LTBP1: variants seen among roughly 807,000 people sequenced by gnomAD.
LTBP1 encodes latent-transforming growth factor beta-binding protein 1.
LTBP1 carries 129 observed loss-of-function variants against 207.6 expected under a neutral mutation model. The ratio of observed to expected loss-of-function variants is 0.62; its 90% CI spans 0.54 to 0.72. The LOEUF (loss-of-function observed/expected upper bound fraction) is 0.72. Among genes scored for constraint, LTBP1 ranks in the 30% least tolerant of loss-of-function variants. The pLI is 0.00. For missense variants in LTBP1, 2,281 were observed against 2,217.2 expected (o/e 1.03, Z -0.58); for synonymous variants, 963 against 833.7 (o/e 1.16, Z -2.67).
chr2:33,220,992 T>A (rs1337230151), intron 8 of LTBP1, among the ~76,000 whole-genome samples: 2 of 152,236 alleles, frequency 1.3e-5, no homozygotes, highest in African/African-American at 4.8e-5. Context: ...TGAAATAATT[T>A]TATTTTTTAA....
Position 33,000,203 on chromosome 2 carries a change from C to T in LTBP1, c.566-20706C>T, listed in dbSNP as rs1685895248. Among the ~76,000 whole-genome samples, 2 of 135,416 alleles carry T rather than the reference C, an allele frequency of 1.5e-5. 1 individual carries two copies. Among genetic ancestry groups the T allele is most frequent in the African/African-American group, 5.2e-5 (2 of 38,802 alleles). 88.8% of individuals were successfully genotyped at this position (135,416 alleles called of 152,430 possible). On this transcript the variant is annotated intron_variant, in intron 2 of 33. Coordinates refer to ENST00000404816, the MANE Select transcript of LTBP1 (RefSeq NM_206943.4). ...AAGTACAGGGCTCCAGGCCTTGCCC[C>T]AGCTCCTCTAATTCAGTAGGACTGG...
intron 7 of LTBP1, among the ~76,000 whole-genome samples, chr2:33,197,905 AT>A (rs2088761706): frequency 6.6e-6 from 1 of 152,190 alleles, no homozygotes; most frequent in African/African-American, 2.4e-5. Flanking sequence ...GTGCTTCAAG[AT>A]TTCCTGTTTC....
At chr2:33,038,772 C>G in intron 3 of LTBP1, among the ~76,000 whole-genome samples, 1 of 152,194 alleles carries the variant, frequency 6.6e-6, no homozygotes, top group East Asian at 1.9e-4. Context: ...ACGCTTGAGT[C>G]TTTGGAAAGA....
intron 3 of LTBP1, among the ~76,000 whole-genome samples, chr2:33,072,427 C>G (rs958751313): frequency 6.6e-5 from 10 of 152,322 alleles, no homozygotes; most frequent in African/African-American, 2.4e-4. Flanking sequence ...TTCTCAGCCT[C>G]TCTGTGCAGC....
At chr2:33,118,782 G>A (rs930378458) in intron 4 of LTBP1, among the ~76,000 whole-genome samples, 16 of 152,184 alleles carry the variant, frequency 1.1e-4, no homozygotes, top group Non-Finnish European at 2.4e-4. Context: ...GGGTTAGGGC[G>A]TGGAGGGGAG....
chr2:32,964,995 G>A lies in LTBP1; in HGVS notation c.565+16050G>A, dbSNP rs188321598. ...GTGGAGGTTGCAGTGAGCTGAGATC[G>A]CGCCATTGCACTCCAGCCTGGCGAC... On this transcript the variant is annotated intron_variant, in intron 2 of 33. Coordinates refer to ENST00000404816, the MANE Select transcript of LTBP1 (RefSeq NM_206943.4). Among the ~76,000 whole-genome samples the A allele has an allele frequency of 2.9e-3, 440 of 152,086 alleles. 1 individual carries two copies. Among genetic ancestry groups the A allele is most frequent in the African/African-American group, 0.01 (421 of 41,482 alleles).
intron 15 of LTBP1, among the ~76,000 whole-genome samples, chr2:33,266,131 C>A (rs370703522): frequency 6.6e-6 from 1 of 152,208 alleles, no homozygotes; most frequent in East Asian, 1.9e-4. Flanking sequence ...ACTCCTTGGC[C>A]TCTCCCCGCT....
In LTBP1 at chr2:33,247,490, T is replaced by C. The variant is rs541920139; in HGVS notation, c.1999+3706T>C. Among the ~76,000 whole-genome samples the C allele has an allele frequency of 7.9e-5, 12 of 152,352 alleles. No homozygotes were observed. The East Asian group carries it at 1.5e-3, about 20-fold the overall frequency. On this transcript the variant is annotated intron_variant, in intron 10 of 33. Coordinates refer to ENST00000404816, the MANE Select transcript of LTBP1 (RefSeq NM_206943.4). ...CTGTTTGTTTTTGAAAATAAAGTTT[T>C]ATTGGAACACAGCCATGTCCATTCA...
intron 4 of LTBP1, among the ~76,000 whole-genome samples, chr2:33,130,403 T>G (rs1338183836): frequency 9.2e-5 from 14 of 152,212 alleles, no homozygotes; most frequent in Admixed American, 9.2e-4. Flanking sequence ...CTGTATTTGT[T>G]CATGACATCT....
rs181259053 is a variant in LTBP1 at position 33,160,028 on chromosome 2, G to A, written c.1201+25068G>A. 2.6e-3 allele frequency among the ~76,000 whole-genome samples: 388 copies of A among 152,072 alleles called. 1 individual carries two copies. Among genetic ancestry groups the A allele is most frequent in the African/African-American group, 4.7e-3 (194 of 41,490 alleles). On this transcript the variant is annotated intron_variant, in intron 5 of 33. Coordinates refer to ENST00000404816, the MANE Select transcript of LTBP1 (RefSeq NM_206943.4). ...GCTCGAGCTGGGATCATAGGCACCC[G>A]CCACCACACCTGGCTAATTTCTGTA...
chr2:32,990,917 A>G (rs923532910), intron 2 of LTBP1, among the ~76,000 whole-genome samples: 1 of 152,158 alleles, frequency 6.6e-6, no homozygotes, highest in Admixed American at 6.5e-5. Flanking sequence ...CTGGACAAGC[A>G]TGTGGCATTG....
intron 3 of LTBP1, among the ~76,000 whole-genome samples, chr2:33,068,734 A>G (rs140729048): frequency 8.5e-5 from 13 of 152,336 alleles, no homozygotes; most frequent in Middle Eastern, 3.4e-3. Flanking sequence ...CCAAAAGAAT[A>G]TCATTCTTCA....
In LTBP1 at chr2:33,399,165, T is replaced by G. The variant is rs151061295; in HGVS notation, c.*620T>G. ...TACTTTATATTTTCAGTGTTTTGTC[T>G]GATTTTAATGTCCGTTCTTAGCCAA... is the stretch of plus-strand genomic sequence containing the variant. On this transcript the variant is annotated 3_prime_UTR_variant, in exon 34 of 34. Coordinates refer to ENST00000404816, the MANE Select transcript of LTBP1 (RefSeq NM_206943.4). The G allele has an allele frequency of 0.012, 1,833 of 152,766 alleles. 15 individuals carry two copies. Among genetic ancestry groups the G allele is most frequent in the Non-Finnish European group, 0.019 (1,264 of 68,046 alleles). The allele number at this position is 152,766 out of a possible 1,614,324, so 9.5% of individuals were successfully genotyped here. A position where few individuals can be genotyped will look rare whatever the true frequency, so the allele number is the denominator to read the frequency against.
intron 24 of LTBP1, among the ~76,000 whole-genome samples, chr2:33,324,923 T>C (rs1243945302): frequency 2.6e-5 from 4 of 152,102 alleles, no homozygotes; most frequent in Admixed American, 2.6e-4. Flanking sequence ...GCCGGGATGG[T>C]CTCTATCTTC....
chr2:33,050,768 C>CTA (rs1308120244), intron 3 of LTBP1, among the ~76,000 whole-genome samples: 1 of 150,326 alleles, frequency 6.7e-6, no homozygotes, highest in Non-Finnish European at 1.5e-5. Flanking sequence ...GAGTCTCGCT[C>CTA]TGTTGCCCAG....
intron 2 of LTBP1, among the ~76,000 whole-genome samples, chr2:32,983,652 C>A (rs1572936834): frequency 1.3e-5 from 2 of 152,164 alleles, no homozygotes; most frequent in African/African-American, 4.8e-5. Flanking sequence ...CTGTGCTGTT[C>A]TCGTGATAGT....
chr2:33,393,234 C>CTTTTTT (rs569734292), intron 32 of LTBP1, among the ~76,000 whole-genome samples: 139 of 48,574 alleles, frequency 2.9e-3, no homozygotes, highest in East Asian at 5.0e-3. Flanking sequence ...CCTTCTTCTT[C>CTTTTTT]TTTTTTTTTT....
At chr2:33,356,199 T>C (rs578092183) in intron 26 of LTBP1, among the ~76,000 whole-genome samples, 2 of 152,188 alleles carry the variant, frequency 1.3e-5, no homozygotes, top group African/African-American at 2.4e-5. Flanking sequence ...AATGTAACAA[T>C]GTGTAAGAAA....
At chr2:33,352,070 G>A (rs908659737) in intron 26 of LTBP1, among the ~76,000 whole-genome samples, 9 of 151,982 alleles carry the variant, frequency 5.9e-5, no homozygotes, top group African/African-American at 2.2e-4. Flanking sequence ...AAGCCTCTCT[G>A]GCTGACAGTT....
Sources: gnomAD v4.1 joint callset for allele counts (sites outside exome capture counted in the v4.1 genomes callset) on GRCh38, gnomAD v4.1.1 for gene constraint, MANE v1.5 for transcripts, NCBI Gene and HGNC (gene_info 2026-07-23, HGNC 2026-07-21) for gene names.